Variants in PRG4 observed in about 807,000 individuals in gnomAD.
The protein encoded by PRG4 is proteoglycan 4, also known as articular superficial zone protein.
In PRG4, 61 loss-of-function variants were observed where a neutral mutation model predicts 91.2. That is an observed-to-expected ratio of 0.67 (90% confidence interval 0.54 to 0.83). The LOEUF (loss-of-function observed/expected upper bound fraction) is 0.83. PRG4 is among the 40% of genes least tolerant of loss of function. PRG4 has a pLI of 0.00. For synonymous variants in PRG4, 576 were observed against 614.2 expected (o/e 0.94, Z 0.92); for missense variants, 1,564 against 1,714.2 (o/e 0.91, Z 1.55).
chr1:186,306,433 G>A lies in PRG4; in HGVS notation c.714G>A (p.Thr238=), dbSNP rs754325528. 1.7e-5 allele frequency: 27 copies of A among 1,613,434 alleles called. No homozygotes were observed. Among genetic ancestry groups the A allele is most frequent in the African/African-American group, 5.3e-5 (4 of 74,830 alleles). The change falls in exon 7 of 13, where the codon ACG becomes ACA. Residue 238 remains threonine, a synonymous_variant. Coordinates refer to ENST00000445192, the MANE Select transcript of PRG4 (RefSeq NM_005807.6). The part of the protein sequence containing the change: ...NGDFKVTTPD[T]STTQHNKVST... ...ACTTCAAGGTCACAACTCCTGACAC[G>A]TCTACCACCCAACACAATAAAGTCA...
Position 186,296,873 on chromosome 1 carries a change from A to G in PRG4, c.-3A>G. On this transcript the variant is annotated 5_prime_UTR_variant, in exon 2 of 13. Coordinates refer to ENST00000445192, the MANE Select transcript of PRG4 (RefSeq NM_005807.6). ...AGGGTACCTACGGTACCTGAAAACA[A>G]CGATGGCATGGAAAACACTTCCCAT... 1.2e-6 allele frequency: 2 copies of G among 1,613,716 alleles called. No individual in the cohort carries two copies. Among genetic ancestry groups the G allele is most frequent in the Non-Finnish European group, 1.7e-6 (2 of 1,179,692 alleles).
At chr1:186,312,063 T>C (rs1000995992) in intron 10 of PRG4, 112 bp from the exon 11 acceptor site, 30 of 837,258 alleles carry the variant, frequency 3.6e-5, no homozygotes, top group African/African-American at 2.9e-4. Flanking sequence ...ATATATTATA[T>C]GAAAAATGAG....
In PRG4 at chr1:186,308,052, C is replaced by T; in HGVS notation, c.2333C>T (p.Pro778Leu). Residue 778 changes from proline (P) to leucine (L), a missense_variant, in exon 7 of 13, where the codon CCT becomes CTT. This residue lies in a region of PRG4 where 1,079 missense variants were observed against 1,162.2 expected (regional missense o/e 0.93). Transcript: ENST00000445192. The stretch of plus-strand genomic sequence containing the variant: ...CCTAAGGAGCCTGCTCCAACTACCC[C>T]TAAGGGGACTGCTCCAACTACCCTC... Reference protein sequence around the residue: ...TTPKEPAPTTPKGTAPTTLKE... With the variant: ...TTPKEPAPTTLKGTAPTTLKE... 6.2e-7 allele frequency: 1 copy of T among 1,609,128 alleles called. No individual in the cohort carries two copies. The highest frequency in any genetic ancestry group is 8.5e-7 in the Non-Finnish European group (1 of 1,178,918).
Position 186,306,567 on chromosome 1 carries a change from C to T in PRG4, c.848C>T (p.Thr283Ile), listed in dbSNP as rs200112019. ...ETSLTVNKETTVETKETTTTN... is the reference protein window; with the variant it reads ...ETSLTVNKETIVETKETTTTN... Reference sequence around the variant, plus strand: ...TCTTTGACAGTGAATAAAGAGACAACAGTTGAAACTAAAGAAACTACTACA... The same window carrying T: ...TCTTTGACAGTGAATAAAGAGACAATAGTTGAAACTAAAGAAACTACTACA... The change falls in exon 7 of 13, where the codon ACA becomes ATA. Residue 283 changes from threonine (T) to isoleucine (I), a missense_variant. By Grantham distance (89) the Thr-to-Ile change is moderately conservative. Coordinates refer to ENST00000445192, the MANE Select transcript of PRG4 (RefSeq NM_005807.6). 173 of 1,613,242 alleles carry T rather than the reference C, an allele frequency of 1.1e-4. No homozygotes were observed. The highest frequency in any genetic ancestry group is 1.4e-4 in the Non-Finnish European group (164 of 1,179,500).
At position 186,308,137 on chromosome 1, in the gene PRG4, C is replaced by A. The variant is rs1165350187; in HGVS notation, c.2418C>A (p.Thr806=). The change falls in exon 7 of 13, where the codon ACC becomes ACA. Residue 806 remains threonine (T), a synonymous_variant. Coordinates refer to ENST00000445192, the MANE Select transcript of PRG4 (RefSeq NM_005807.6). ...CCCCCAAGGAGCTTGCACCCACCACCACCAAGGGGCCCACATCCACCACCT... is the reference window on the plus strand; with the variant it reads ...CCCCCAAGGAGCTTGCACCCACCACAACCAAGGGGCCCACATCCACCACCT... The part of the protein sequence containing the change: ...KPAPKELAPT[T]TKGPTSTTSD... 6 of 1,609,762 alleles carry A rather than the reference C, an allele frequency of 3.7e-6. No individual in the cohort carries two copies. Among genetic ancestry groups the A allele is most frequent in the Non-Finnish European group, 5.1e-6 (6 of 1,178,466 alleles).
At chr1:186,311,278 G>T in intron 9 of PRG4, 108 bp downstream of exon 9, 1 of 1,429,720 alleles carries the variant, frequency 7.0e-7, no homozygotes, top group Non-Finnish European at 9.8e-7. Flanking sequence ...TAAATACTCT[G>T]TCATCAAAAT....
chr1:186,308,224 A>G lies in PRG4; in HGVS notation c.2505A>G (p.Ala835=). Residue 835 remains alanine (A), a synonymous_variant, in exon 7 of 13, where the codon GCA becomes GCG. Coordinates refer to ENST00000445192, the MANE Select transcript of PRG4 (RefSeq NM_005807.6). ...CTCCAACTACCCCCAAGGAGCCTGCACCCACTACCCCCAAGAAGCCTGCTC... is the reference window on the plus strand; with the variant it reads ...CTCCAACTACCCCCAAGGAGCCTGCGCCCACTACCCCCAAGAAGCCTGCTC... ...ETAPTTPKEP[A]PTTPKKPAPT... is the part of the protein sequence containing the mutation. 2 of 1,611,954 alleles carry G rather than the reference A, an allele frequency of 1.2e-6. No homozygotes were observed. The highest frequency in any genetic ancestry group is 1.7e-6 in the Non-Finnish European group (2 of 1,179,328).
At position 186,314,448 on chromosome 1, in the gene PRG4, G is replaced by T; in HGVS notation, c.*670G>T. ...AGCACATATTTATTATATATCTAAG[G>T]TATACAAATCTGTCTACATGAAGTT... On this transcript the variant is annotated 3_prime_UTR_variant, in exon 13 of 13. Coordinates refer to ENST00000445192, the MANE Select transcript of PRG4 (RefSeq NM_005807.6). The T allele has an allele frequency of 4.5e-6, 2 of 440,416 alleles. No homozygotes were observed. Among genetic ancestry groups the T allele is most frequent in the Non-Finnish European group, 8.0e-6 (2 of 249,178 alleles). 27.3% of individuals were successfully genotyped at this position (440,416 alleles called of 1,614,324 possible). A position where few individuals can be genotyped will look rare whatever the true frequency, so the allele number is the denominator to read the frequency against.
chr1:186,303,839 G>A (rs1163171443), intron 4 of PRG4, among the ~76,000 whole-genome samples: 2 of 152,178 alleles, frequency 1.3e-5, no homozygotes, highest in East Asian at 1.9e-4. Context: ...GGTCACAATG[G>A]TAGAGGCTCG....
rs754130145 is a variant in PRG4 at position 186,306,848 on chromosome 1, A to G, written c.1129A>G (p.Thr377Ala). The G allele has an allele frequency of 6.2e-7, 1 of 1,606,018 alleles. No homozygotes were observed. The highest frequency in any genetic ancestry group is 1.7e-5 in the Admixed American group (1 of 59,216). The change falls in exon 7 of 13, where the codon ACC (threonine) becomes GCC (alanine). Residue 377 changes from threonine (T) to alanine (A), a missense_variant. Coordinates refer to ENST00000445192, the MANE Select transcript of PRG4 (RefSeq NM_005807.6). ...TPTTIKSAPT[T>A]PKEPAPTTTK... ...TACCACCATCAAGTCTGCACCCACCACCCCCAAGGAGCCTGCACCCACCAC... is the reference window on the plus strand; with the variant it reads ...TACCACCATCAAGTCTGCACCCACCGCCCCCAAGGAGCCTGCACCCACCAC...
In PRG4 at chr1:186,308,421, C is replaced by T. The variant is rs970489739; in HGVS notation, c.2702C>T (p.Thr901Ile). ...CCCAAGGAACCTGGTGTACCTACAA[C>T]TAAGACTCCTGCAGCGACTAAACCT... ...NSPKEPGVPT[T>I]KTPAATKPEM... The change falls in exon 7 of 13, where the codon ACT (threonine) becomes ATT (isoleucine). Residue 901 changes from threonine (T) to isoleucine (I), a missense_variant. Physicochemically the swap from Thr to Ile is moderately conservative, Grantham distance 89 (BLOSUM62 -1). This residue lies in a region of PRG4 where 1,079 missense variants were observed against 1,162.2 expected (regional missense o/e 0.93). Transcript: ENST00000445192. The T allele has an allele frequency of 2.5e-6, 4 of 1,613,818 alleles. No homozygotes were observed. In the African/African-American group the frequency reaches 4.0e-5, roughly 16 times the overall value.
In PRG4 at chr1:186,307,954, C is replaced by T. The variant is rs1656850575; in HGVS notation, c.2235C>T (p.Thr745=). The T allele has an allele frequency of 1.2e-6, 2 of 1,608,712 alleles. No homozygotes were observed. Among genetic ancestry groups the T allele is most frequent in the Admixed American group, 1.7e-5 (1 of 59,064 alleles). ...PTTTKEPTST[T]SDKPAPTTPK... ...CCACCAAGGAGCCCACATCCACCAC[C>T]TCTGACAAGCCCGCTCCAACTACCC... Residue 745 remains threonine (T), a synonymous_variant, in exon 7 of 13, where the codon ACC becomes ACT. Coordinates refer to ENST00000445192, the MANE Select transcript of PRG4 (RefSeq NM_005807.6).
At chr1:186,299,916 T>C (rs1309284459) in intron 2 of PRG4, among the ~76,000 whole-genome samples, 175 bp from the exon 3 acceptor site, 6 of 152,320 alleles carry the variant, frequency 3.9e-5, no homozygotes, top group Admixed American at 1.3e-4. Flanking sequence ...AGTGACATAA[T>C]TGAGATCACC....
intron 6 of PRG4, among the ~76,000 whole-genome samples, chr1:186,305,986 A>G (rs1226920638): frequency 6.6e-6 from 1 of 152,220 alleles, no homozygotes; most frequent in Non-Finnish European, 1.5e-5. Flanking sequence ...GAAGAATAAG[A>G]GTACAAAAAG....
At position 186,309,148 on chromosome 1, in the gene PRG4, G is replaced by A. The variant is rs750501600; in HGVS notation, c.3421+8G>A. 2 of 1,606,494 alleles carry A rather than the reference G, an allele frequency of 1.2e-6. No individual in the cohort carries two copies. The highest frequency in any genetic ancestry group is 2.7e-5 in the African/African-American group (2 of 74,788). On this transcript the variant is annotated splice_region_variant and intron_variant, in intron 7 of 12. Coordinates refer to ENST00000445192, the MANE Select transcript of PRG4 (RefSeq NM_005807.6). ...TCAATCCCATGCTTTCCGGTATTAA[G>A]AATCAGTTATTTTCATTTTTAAAGC... is the stretch of plus-strand genomic sequence containing the variant.
chr1:186,309,555 A>G (rs1166140198), intron 7 of PRG4, among the ~76,000 whole-genome samples: 1 of 152,238 alleles, frequency 6.6e-6, no homozygotes, highest in African/African-American at 2.4e-5. Flanking sequence ...ATGAAAATCA[A>G]GGTAACCTGG....
chr1:186,312,056 T>C (rs902587086), intron 10 of PRG4, 119 bp from the exon 11 acceptor site: 1 of 773,150 alleles, frequency 1.3e-6, no homozygotes, highest in South Asian at 1.6e-5. Flanking sequence ...AATATCAATA[T>C]ATTATATGAA....
chr1:186,312,024 C>G (rs901115195), intron 10 of PRG4, 151 bp from the exon 11 acceptor site: 1 of 631,118 alleles, frequency 1.6e-6, no homozygotes, highest in East Asian at 2.8e-5. Context: ...TTTTATAATA[C>G]CCTTGACTAA....
Position 186,296,833 on chromosome 1 carries a change from A to G in PRG4, c.-30-13A>G. 6.8e-7 allele frequency: 1 copy of G among 1,472,742 alleles called. No homozygotes were observed. The highest frequency in any genetic ancestry group is 1.7e-5 in the Admixed American group (1 of 59,622). The allele number at this position is 1,472,742 out of a possible 1,614,324, so 91.2% of individuals were successfully genotyped here. A position where few individuals can be genotyped will look rare whatever the true frequency, so the allele number is the denominator to read the frequency against. ...GAAAGAGCTGTTTTCTGATACTTTT[A>G]TTTTATTTTCAGCAAGGGTACCTAC... is the stretch of plus-strand genomic sequence containing the variant. On this transcript the variant is annotated splice_polypyrimidine_tract_variant and intron_variant, in intron 1 of 12. Transcript: ENST00000445192.
Sources: gnomAD v4.1 joint callset for allele counts (sites outside exome capture counted in the v4.1 genomes callset) on GRCh38, gnomAD v4.1.1 for gene constraint, gnomAD v4.1.1 regional missense constraint, MANE v1.5 for transcripts, NCBI Gene and HGNC (gene_info 2026-07-23, HGNC 2026-07-21) for gene names.